TRPC6: variants seen among roughly 807,000 people sequenced by gnomAD.
TRPC6 encodes short transient receptor potential channel 6.
In TRPC6, 55 loss-of-function variants were observed where a neutral mutation model predicts 90.7. The ratio of observed to expected loss-of-function variants is 0.61; its 90% CI spans 0.49 to 0.76. The LOEUF is 0.76. TRPC6 is among the 30% of genes least tolerant of loss of function. TRPC6 has a pLI of 0.00. For missense variants in TRPC6, 989 were observed against 1,122.7 expected (o/e 0.88, Z 1.70); for synonymous variants, 393 against 393.0 (o/e 1.00, Z 0.00).
intron 5 of TRPC6, among the ~76,000 whole-genome samples, chr11:101,477,448 T>C (rs568629302): frequency 7.2e-5 from 11 of 152,318 alleles, no homozygotes; most frequent in African/African-American, 2.4e-4. Flanking sequence ...TAAAATGTTA[T>C]GATGTGTGGT....
At chr11:101,462,679 T>A (rs1859033805) in intron 10 of TRPC6, among the ~76,000 whole-genome samples, 1 of 152,234 alleles carries the variant, frequency 6.6e-6, no homozygotes, top group African/African-American at 2.4e-5. Context: ...TTCGCTGAAG[T>A]TGCTTATCTG....
At chr11:101,461,941 A>G (rs540310253) in intron 10 of TRPC6, among the ~76,000 whole-genome samples, 3 of 152,130 alleles carry the variant, frequency 2.0e-5, no homozygotes, top group African/African-American at 4.8e-5. Context: ...GTTCCTTGCT[A>G]GGTATGTTAT....
chr11:101,513,580 A>G (rs569272032), intron 1 of TRPC6, among the ~76,000 whole-genome samples: 1 of 112,814 alleles, frequency 8.9e-6, no homozygotes, highest in South Asian at 2.6e-4. Flanking sequence ...AAACATATGC[A>G]CCAAAAAAAT....
chr11:101,561,414 T>A (rs965236071), intron 1 of TRPC6, among the ~76,000 whole-genome samples: 1 of 152,190 alleles, frequency 6.6e-6, no homozygotes, highest in Non-Finnish European at 1.5e-5. Flanking sequence ...ATAAATTGTA[T>A]ACATGAGTTC....
Position 101,483,056 on chromosome 11 carries a change from G to A in TRPC6, c.1403C>T (p.Thr468Ile). The change falls in exon 5 of 13, where the codon ACA (threonine) becomes ATA (isoleucine). Residue 468 changes from threonine to isoleucine, a missense_variant. Transcript: ENST00000344327. The stretch of plus-strand genomic sequence containing the variant: ...GCTGGTTTCATTAGGAAGGAGTTTT[G>A]TGCCTTCAAATCTGTCAGCTGCATT... The part of the protein sequence containing the change: ...VMNAADRFEG[T>I]KLLPNETSTD... The A allele has an allele frequency of 1.9e-6, 3 of 1,614,060 alleles. No homozygotes were observed. Among genetic ancestry groups the A allele is most frequent in the Non-Finnish European group, 2.5e-6 (3 of 1,179,954 alleles).
At chr11:101,564,921 T>A (rs1013157401) in intron 1 of TRPC6, among the ~76,000 whole-genome samples, 1 of 151,934 alleles carries the variant, frequency 6.6e-6, no homozygotes, top group African/African-American at 2.4e-5. Flanking sequence ...CCGAAGCATA[T>A]AGGGTTAAAT....
chr11:101,478,783 G>A (rs905539607), intron 5 of TRPC6, among the ~76,000 whole-genome samples: 8 of 152,110 alleles, frequency 5.3e-5, no homozygotes, highest in Non-Finnish European at 1.0e-4. Context: ...TGAATTTTCA[G>A]AATATTCCTT....
intron 1 of TRPC6, among the ~76,000 whole-genome samples, chr11:101,529,688 A>G (rs1860863742): frequency 6.6e-6 from 1 of 152,232 alleles, no homozygotes; most frequent in African/African-American, 2.4e-5. Context: ...TTTATAAATA[A>G]TAAGTCAATC....
chr11:101,489,311 C>T lies in TRPC6; in HGVS notation c.1129-210G>A. Among the ~76,000 whole-genome samples the T allele has an allele frequency of 2.0e-5, 3 of 152,222 alleles. 1 individual carries two copies. In the Middle Eastern group the frequency reaches 0.01, roughly 518 times the overall value. ...AATTTGAAGATTTCAATTTATCAAG[C>T]TTTTCCTTTATGACAAACAAGCTTT... On this transcript the variant is annotated intron_variant, in intron 3 of 12. Transcript: ENST00000344327.
intron 1 of TRPC6, among the ~76,000 whole-genome samples, chr11:101,528,427 TAATA>T (rs1860833644): frequency 6.6e-6 from 1 of 152,192 alleles, no homozygotes; most frequent in Non-Finnish European, 1.5e-5. Context: ...GCACAAAGCT[TAATA>T]TATACAATAT....
intron 6 of TRPC6, 151 bp from the exon 7 acceptor site, chr11:101,473,924 G>C: frequency 9.6e-7 from 1 of 1,036,692 alleles, no homozygotes; most frequent in Non-Finnish European, 1.4e-6. Context: ...GTGTCTGCTA[G>C]AGTTGAGCTT....
intron 2 of TRPC6, among the ~76,000 whole-genome samples, chr11:101,503,725 C>G (rs574011324): frequency 6.6e-6 from 1 of 152,048 alleles, no homozygotes; most frequent in Non-Finnish European, 1.5e-5. Flanking sequence ...TGGGCATTAG[C>G]GAAACTTTCT....
rs112263375 is a variant in TRPC6 at position 101,518,442 on chromosome 11, G to T, written c.171-13644C>A. 2.1e-3 allele frequency among the ~76,000 whole-genome samples: 318 copies of T among 152,164 alleles called. 3 individuals carry two copies. The highest frequency in any genetic ancestry group is 7.2e-3 in the African/African-American group (299 of 41,518). The stretch of plus-strand genomic sequence containing the variant: ...CAAATTGCAAACAGAAATATGAAAA[G>T]ATGCTTAACATCATTGATCATCAGA... On this transcript the variant is annotated intron_variant, in intron 1 of 12. Coordinates refer to ENST00000344327, the MANE Select transcript of TRPC6 (RefSeq NM_004621.6).
chr11:101,519,030 T>A (rs745946873), intron 1 of TRPC6, among the ~76,000 whole-genome samples: 2 of 152,292 alleles, frequency 1.3e-5, no homozygotes, highest in Non-Finnish European at 1.5e-5. Flanking sequence ...GAAGAATGGT[T>A]ACCAGAGGCT....
intron 1 of TRPC6, among the ~76,000 whole-genome samples, chr11:101,575,729 C>T (rs527880029): frequency 6.1e-4 from 93 of 152,210 alleles, no homozygotes; most frequent in Non-Finnish European, 1.1e-3. Context: ...CCAAAGATGG[C>T]TAAGATTTCA....
chr11:101,478,517 GAAAT>G (rs572328951), intron 5 of TRPC6, among the ~76,000 whole-genome samples: 63 of 152,012 alleles, frequency 4.1e-4, no homozygotes, highest in African/African-American at 1.4e-3. Context: ...CTCTCTTTAA[GAAAT>G]AAATAGAATT....
chr11:101,508,224 G>C (rs927897548), intron 1 of TRPC6, among the ~76,000 whole-genome samples: 2 of 151,972 alleles, frequency 1.3e-5, no homozygotes, highest in African/African-American at 4.8e-5. Flanking sequence ...TTTGGTCTCT[G>C]TATTTCATAG....
intron 1 of TRPC6, among the ~76,000 whole-genome samples, chr11:101,574,178 A>G (rs1304952148): frequency 6.6e-6 from 1 of 150,998 alleles, no homozygotes; most frequent in Non-Finnish European, 1.5e-5. Flanking sequence ...ACAGAGCACA[A>G]TCCTGTGGAA....
chr11:101,532,332 T>C (rs865996785), intron 1 of TRPC6, among the ~76,000 whole-genome samples: 2 of 152,214 alleles, frequency 1.3e-5, no homozygotes, highest in Non-Finnish European at 2.9e-5. Context: ...ATAAAATGCA[T>C]ATCTGGTGTC....
Sources: gnomAD v4.1 joint callset for allele counts (sites outside exome capture counted in the v4.1 genomes callset) on GRCh38, gnomAD v4.1.1 for gene constraint, MANE v1.5 for transcripts, NCBI Gene and HGNC (gene_info 2026-07-23, HGNC 2026-07-21) for gene names.